Variants in RBPJ observed in about 807,000 individuals in gnomAD.
The protein encoded by RBPJ is recombining binding protein suppressor of hairless.
RBPJ carries 9 observed loss-of-function variants against 67.8 expected under a neutral mutation model. That is an observed-to-expected ratio of 0.13 (90% confidence interval 0.08 to 0.23). The LOEUF (loss-of-function observed/expected upper bound fraction) is 0.23. Ranked by LOEUF, RBPJ falls within the 10% of genes least tolerant of loss-of-function variation. RBPJ has a pLI of 1.00. For missense variants in RBPJ, 305 were observed against 595.6 expected (o/e 0.51, Z 5.08); for synonymous variants, 198 against 203.3 (o/e 0.97, Z 0.22).
At chr4:26,335,222 C>G (rs1056203260) in intron 1 of RBPJ, among the ~76,000 whole-genome samples, 2 of 152,122 alleles carry the variant, frequency 1.3e-5, no homozygotes, top group East Asian at 3.8e-4. Flanking sequence ...TGCTCTGTCA[C>G]CCAGGCTGGA....
chr4:26,330,445 A>T (rs544205367), intron 1 of RBPJ, among the ~76,000 whole-genome samples: 15 of 152,362 alleles, frequency 9.8e-5, no homozygotes, highest in African/African-American at 3.4e-4. Flanking sequence ...CTACCTAGAA[A>T]CCCACGTAGA....
At chr4:26,174,022 A>T (rs1716707170) in intron 1 of RBPJ, among the ~76,000 whole-genome samples, 1 of 152,246 alleles carries the variant, frequency 6.6e-6, no homozygotes, top group Non-Finnish European at 1.5e-5. Context: ...GGTAGCTGCA[A>T]GCAATGCGTT....
At chr4:26,435,106 A>G (rs934390136), downstream of RBPJ, 5 of 152,160 alleles carry the variant, frequency 3.3e-5, no homozygotes, top group African/African-American at 1.2e-4. Context: ...ATAGTGCTTT[A>G]AAGAGATTTT....
chr4:26,142,944 G>A, the RBPJ span, among the ~76,000 whole-genome samples: 3 of 152,134 alleles, frequency 2.0e-5, no homozygotes, highest in Non-Finnish European at 4.4e-5. Context: ...ACCATGCCCG[G>A]CTAATTTTTG....
At chr4:26,417,152 CAG>C (rs2109791388) in intron 4 of RBPJ, among the ~76,000 whole-genome samples, 1 of 152,282 alleles carries the variant, frequency 6.6e-6, no homozygotes, top group Admixed American at 6.5e-5. Flanking sequence ...ATGAGTGGAT[CAG>C]ATAGGTAGTG....
At chr4:26,160,743 C>T (rs146966824), upstream of RBPJ, among the ~76,000 whole-genome samples, 178 of 152,012 alleles carry the variant, frequency 1.2e-3, no homozygotes, top group South Asian at 7.9e-3. Context: ...CATCCAACTT[C>T]CAAGAAAGCT....
intron 1 of RBPJ, among the ~76,000 whole-genome samples, chr4:26,341,634 A>G (rs1483815759): frequency 6.8e-6 from 1 of 146,554 alleles, no homozygotes; most frequent in Admixed American, 6.7e-5. Context: ...AAAACAAAAC[A>G]AAAAAAAACC....
At chr4:26,315,144 CAAA>C (rs60940172), upstream of RBPJ, among the ~76,000 whole-genome samples, 156 of 10,286 alleles carry the variant, frequency 0.015, 1 homozygote, top group South Asian at 0.08. Flanking sequence ...GTCTCTGTCT[CAAA>C]AAAAAAAAAA....
chr4:26,258,322 C>A (rs1720412920), intron 1 of RBPJ, among the ~76,000 whole-genome samples: 1 of 152,236 alleles, frequency 6.6e-6, no homozygotes, highest in South Asian at 2.1e-4. Flanking sequence ...CTCTCTTCTT[C>A]ACCTCTGTAT....
At chr4:26,240,043 A>G (rs1273173989) in intron 1 of RBPJ, among the ~76,000 whole-genome samples, 1 of 152,222 alleles carries the variant, frequency 6.6e-6, no homozygotes, top group African/African-American at 2.4e-5. Context: ...GCCTTGGCAG[A>G]GCAAAGTTCC....
chr4:26,399,146 A>T (rs567069681), intron 2 of RBPJ, among the ~76,000 whole-genome samples: 36 of 152,234 alleles, frequency 2.4e-4, no homozygotes, highest in African/African-American at 8.7e-4. Flanking sequence ...CCTTATCAGC[A>T]TGACTTACGT....
intron 1 of RBPJ, among the ~76,000 whole-genome samples, chr4:26,267,079 AAAG>A (rs1326486379): frequency 6.6e-6 from 1 of 152,230 alleles, no homozygotes; most frequent in African/African-American, 2.4e-5. Flanking sequence ...ATTTCAAGGT[AAAG>A]AAGAAGATGG....
intron 1 of RBPJ, among the ~76,000 whole-genome samples, chr4:26,248,377 A>T (rs1269185186): frequency 6.6e-6 from 1 of 152,192 alleles, no homozygotes; most frequent in African/African-American, 2.4e-5. Flanking sequence ...CTCATTTGGA[A>T]TTTCTAGGCA....
intron 1 of RBPJ, among the ~76,000 whole-genome samples, chr4:26,202,394 A>G (rs939694793): frequency 9.9e-5 from 15 of 151,992 alleles, no homozygotes; most frequent in African/African-American, 3.4e-4. Flanking sequence ...CTCCACTTAC[A>G]TGTCCAATAG....
intron 1 of RBPJ, among the ~76,000 whole-genome samples, chr4:26,379,654 C>T (rs1730117768): frequency 1.3e-5 from 2 of 152,090 alleles, no homozygotes; most frequent in Admixed American, 6.5e-5. Flanking sequence ...GTTCCTCCCT[C>T]GACACATGGG....
At chr4:26,426,235 AAAT>A (rs1735657210) in intron 7 of RBPJ, among the ~76,000 whole-genome samples, 2 of 152,142 alleles carry the variant, frequency 1.3e-5, no homozygotes, top group Non-Finnish European at 2.9e-5. Context: ...CTTTGGTGTT[AAAT>A]GCTTGTACTG....
the RBPJ span, among the ~76,000 whole-genome samples, chr4:26,128,912 G>A: frequency 6.6e-6 from 1 of 152,216 alleles, no homozygotes; most frequent in Admixed American, 6.5e-5. Context: ...CTGCCGCCAT[G>A]TAAGATGTGC....
intron 1 of RBPJ, among the ~76,000 whole-genome samples, chr4:26,181,633 C>T (rs148427615): frequency 6.6e-6 from 1 of 152,330 alleles, no homozygotes; most frequent in African/African-American, 2.4e-5. Context: ...CTACCACCCA[C>T]CTAGGCTATA....
chr4:26,361,640 A>T (rs1043600799), intron 1 of RBPJ, among the ~76,000 whole-genome samples: 8 of 152,264 alleles, frequency 5.3e-5, no homozygotes, highest in African/African-American at 1.7e-4. Flanking sequence ...AAATTGCTTT[A>T]TGACAGTAAA....
Sources: allele counts gnomAD v4.1 joint callset (sites outside exome capture counted in the v4.1 genomes callset), GRCh38; gene constraint gnomAD v4.1.1; transcripts MANE v1.5; gene names NCBI Gene and HGNC (gene_info 2026-07-23, HGNC 2026-07-21).